BCHE: variants seen among roughly 807,000 people sequenced by gnomAD.
BCHE encodes cholinesterase.
A neutral mutation model predicts 51.3 loss-of-function variants in BCHE; 48 were observed. The ratio of observed to expected loss-of-function variants is 0.94; its 90% CI spans 0.74 to 1.19. The LOEUF is 1.19. Ranked by LOEUF, BCHE falls within the 50% of genes most tolerant of loss-of-function variation. The pLI, the probability that BCHE is intolerant of heterozygous loss-of-function variation, is 0.00. For synonymous variants in BCHE, 251 were observed against 238.0 expected (o/e 1.05, Z -0.50); for missense variants, 847 against 708.2 (o/e 1.20, Z -2.23).
intron 1 of BCHE, among the ~76,000 whole-genome samples, chr3:165,832,078 G>A (rs1259846256): frequency 2.0e-5 from 3 of 152,076 alleles, no homozygotes; most frequent in African/African-American, 7.2e-5. Flanking sequence ...CATGGCAGAA[G>A]CAAAAATAAT....
chr3:165,827,583 T>A (rs1714774166), intron 2 of BCHE, among the ~76,000 whole-genome samples: 1 of 152,036 alleles, frequency 6.6e-6, no homozygotes, highest in Non-Finnish European at 1.5e-5. Context: ...TGAGAAAATA[T>A]AAATTCCTCA....
At chr3:165,825,616 C>G in intron 2 of BCHE, among the ~76,000 whole-genome samples, 1 of 152,038 alleles carries the variant, frequency 6.6e-6, no homozygotes, top group Non-Finnish European at 1.5e-5. Flanking sequence ...CTTAGTTACA[C>G]ATGTATACAT....
chr3:165,776,747 T>C (rs546414471), intron 3 of BCHE, among the ~76,000 whole-genome samples: 1 of 151,722 alleles, frequency 6.6e-6, no homozygotes, highest in African/African-American at 2.4e-5. Context: ...TATATTATGG[T>C]TTTAATTATA....
At chr3:165,815,273 G>A (rs991401134) in intron 2 of BCHE, among the ~76,000 whole-genome samples, 1 of 150,810 alleles carries the variant, frequency 6.6e-6, no homozygotes, top group Non-Finnish European at 1.5e-5. Flanking sequence ...TAAGGGCAAA[G>A]GAGATTGAAT....
At chr3:165,777,557 A>G (rs930807182) in intron 3 of BCHE, among the ~76,000 whole-genome samples, 1 of 152,208 alleles carries the variant, frequency 6.6e-6, no homozygotes, top group African/African-American at 2.4e-5. Flanking sequence ...TATAACGTAC[A>G]CATATGTATA....
At chr3:165,814,631 T>C (rs1429218262) in intron 2 of BCHE, among the ~76,000 whole-genome samples, 1 of 152,014 alleles carries the variant, frequency 6.6e-6, no homozygotes, top group Non-Finnish European at 1.5e-5. Context: ...CTTGCTGGCC[T>C]GATTTCTTTT....
At chr3:165,829,220 A>C (rs559227315) in intron 2 of BCHE, among the ~76,000 whole-genome samples, 2 of 152,252 alleles carry the variant, frequency 1.3e-5, no homozygotes, top group Non-Finnish European at 2.9e-5. Context: ...TAGTTCTCCA[A>C]CTAAGCATCT....
At chr3:165,836,480 A>G (rs946462584) in intron 1 of BCHE, among the ~76,000 whole-genome samples, 25 of 152,000 alleles carry the variant, frequency 1.6e-4, no homozygotes, top group African/African-American at 5.1e-4. Context: ...TATAATAAAT[A>G]GAAATCATAA....
intron 2 of BCHE, among the ~76,000 whole-genome samples, chr3:165,824,527 T>C (rs945614355): frequency 3.3e-5 from 5 of 152,040 alleles, no homozygotes; most frequent in African/African-American, 1.2e-4. Flanking sequence ...AATATTGTGC[T>C]AACAATCCTA....
intron 1 of BCHE, among the ~76,000 whole-genome samples, chr3:165,835,191 C>A (rs1715147480): frequency 1.7e-5 from 1 of 58,728 alleles, no homozygotes; most frequent in Admixed American, 2.2e-4. Flanking sequence ...AAAAAGGTGA[C>A]AAATCTTTTT....
intron 2 of BCHE, among the ~76,000 whole-genome samples, chr3:165,825,631 C>T (rs961648508): frequency 8.6e-5 from 13 of 151,790 alleles, no homozygotes; most frequent in Admixed American, 2.6e-4. Context: ...ATACATGTGC[C>T]GTGTTGGTGT....
intron 3 of BCHE, among the ~76,000 whole-genome samples, 194 bp downstream of exon 3, chr3:165,785,951 A>G (rs1712929626): frequency 6.6e-6 from 1 of 151,674 alleles, no homozygotes; most frequent in South Asian, 2.1e-4. Context: ...AGTACTGGTC[A>G]TATAGTAAGA....
chr3:165,795,619 C>T (rs139438724), intron 2 of BCHE, among the ~76,000 whole-genome samples: 278 of 152,102 alleles, frequency 1.8e-3, no homozygotes, highest in African/African-American at 6.5e-3. Context: ...AAATAATTAC[C>T]GAAGAACAAT....
At chr3:165,781,681 A>G (rs1576835744) in intron 3 of BCHE, among the ~76,000 whole-genome samples, 1 of 152,104 alleles carries the variant, frequency 6.6e-6, no homozygotes, top group East Asian at 1.9e-4. Context: ...TAGGCTCAAC[A>G]AGCCGCCATG....
At position 165,828,242 on chromosome 3, in the gene BCHE, T is replaced by A. The variant is rs187642678; in HGVS notation, c.1517+1275A>T. 4.4e-3 allele frequency among the ~76,000 whole-genome samples: 667 copies of A among 152,282 alleles called. 2 individuals carry two copies. The highest frequency in any genetic ancestry group is 6.4e-3 in the Non-Finnish European group (437 of 68,012). On this transcript the variant is annotated intron_variant, in intron 2 of 3. Transcript: ENST00000264381. ...TTAAAGAGGAAAGAGGTAGGTGTTC[T>A]AAACAGGGCACATTGAGAGAAGAAA...
In BCHE at chr3:165,809,404, G is replaced by GT. The variant is rs201788993; in HGVS notation, c.1517+20112dup. ...TATTGCCAAATTTGAATGTTCATGT[G>GT]TTTTTTTTGTATGGCATTCTGAGTA... On this transcript the variant is annotated intron_variant, in intron 2 of 3. Coordinates refer to ENST00000264381, the MANE Select transcript of BCHE (RefSeq NM_000055.4). Among the ~76,000 whole-genome samples, 434 of 151,710 alleles carry GT rather than the reference G, an allele frequency of 2.9e-3. 7 individuals are homozygous for GT. Among genetic ancestry groups the GT allele is most frequent in the African/African-American group, 9.7e-3 (402 of 41,386 alleles).
chr3:165,828,856 T>C (rs934949251), intron 2 of BCHE, among the ~76,000 whole-genome samples: 3 of 152,144 alleles, frequency 2.0e-5, no homozygotes, highest in South Asian at 2.1e-4. Context: ...GGGGGAAATA[T>C]GTTTTTTGTA....
intron 3 of BCHE, among the ~76,000 whole-genome samples, chr3:165,782,096 C>A (rs984417837): frequency 6.6e-6 from 1 of 152,078 alleles, no homozygotes; most frequent in Non-Finnish European, 1.5e-5. Context: ...AGGCTCTCTA[C>A]ATAAACATGA....
At chr3:165,785,808 A>C (rs1285981441) in intron 3 of BCHE, among the ~76,000 whole-genome samples, 1 of 151,614 alleles carries the variant, frequency 6.6e-6, no homozygotes, top group Non-Finnish European at 1.5e-5. Flanking sequence ...TGATATATTT[A>C]TTTCTTTGTC....
Sources: gnomAD v4.1 joint callset for allele counts (sites outside exome capture counted in the v4.1 genomes callset) on GRCh38, gnomAD v4.1.1 for gene constraint, MANE v1.5 for transcripts, NCBI Gene and HGNC (gene_info 2026-07-23, HGNC 2026-07-21) for gene names.